The following CHEK2 variants were observed in gnomAD, a reference collection of about 807,000 sequenced individuals.
CHEK2 encodes serine/threonine-protein kinase Chk2.
A neutral mutation model predicts 69.1 loss-of-function variants in CHEK2; 71 were observed. That is an observed-to-expected ratio of 1.03 (90% CI 0.85 to 1.25). The LOEUF (loss-of-function observed/expected upper bound fraction) is 1.25. CHEK2 is among the 50% of genes most tolerant of loss of function. CHEK2 has a pLI of 0.00. For missense variants in CHEK2, 664 were observed against 649.6 expected (o/e 1.02, Z -0.24); for synonymous variants, 189 against 226.9 (o/e 0.83, Z 1.50).
At chr22:28,700,838 G>A (rs1247014827) in intron 8 of CHEK2, among the ~76,000 whole-genome samples, 5 of 152,050 alleles carry the variant, frequency 3.3e-5, no homozygotes, top group Non-Finnish European at 1.5e-5. Context: ...TGCCCAGGCT[G>A]GAATGCAATG....
chr22:28,688,817 T>C lies in CHEK2; in HGVS notation c.1542+318A>G, dbSNP rs372257944. 3.0e-4 allele frequency among the ~76,000 whole-genome samples: 46 copies of C among 152,364 alleles called. No homozygotes were observed. In the East Asian group the frequency reaches 6.2e-3, roughly 20 times the overall value. On this transcript the variant is annotated intron_variant, in intron 14 of 14. Coordinates refer to ENST00000404276, the MANE Select transcript of CHEK2 (RefSeq NM_007194.4). ...AAATTGTAATCAAGGAATCAACTAC[T>C]GACCCAAATTTTAATTTGTTCAACA...
intron 7 of CHEK2, among the ~76,000 whole-genome samples, chr22:28,705,229 C>G (rs1013560906): frequency 6.6e-6 from 1 of 152,002 alleles, no homozygotes; most frequent in Non-Finnish European, 1.5e-5. Context: ...TGAGTGCCTG[C>G]CACTGCACCC....
rs562415193 is a variant in CHEK2 at position 28,689,846 on chromosome 22, T to C, written c.1462-631A>G. Among the ~76,000 whole-genome samples, 300 of 152,104 alleles carry C rather than the reference T, an allele frequency of 2.0e-3. 2 individuals carry two copies. The highest frequency in any genetic ancestry group is 6.8e-3 in the Middle Eastern group (2 of 294). On this transcript the variant is annotated intron_variant, in intron 13 of 14. Transcript: ENST00000404276. ...CAGGAGATGAGGAGGGCACAGACAG[T>C]GTGTATGCGAGTAGCTCCCACCTCT...
intron 1 of CHEK2, chr22:28,737,444 T>C (rs2146180215): frequency 3.2e-6 from 1 of 312,278 alleles, no homozygotes; most frequent in South Asian, 3.0e-5. Flanking sequence ...TGCAAAACCA[T>C]GTAATTTAAG....
rs17880511 is a variant in CHEK2 at position 28,696,267 on chromosome 22, C to G, written c.1096-394G>C. Among the ~76,000 whole-genome samples, 667 of 152,328 alleles carry G rather than the reference C, an allele frequency of 4.4e-3. 3 individuals carry two copies. Among genetic ancestry groups the G allele is most frequent in the African/African-American group, 0.015 (638 of 41,572 alleles). ...AACACATGCTTATACCTGAGTGCCA[C>G]TCTCAGCTTCTGAGGTAAAGCCTGG... On this transcript the variant is annotated intron_variant, in intron 10 of 14. Transcript: ENST00000404276.
chr22:28,735,233 C>T (rs894814221), intron 1 of CHEK2, among the ~76,000 whole-genome samples: 8 of 151,860 alleles, frequency 5.3e-5, no homozygotes, highest in East Asian at 3.9e-4. Flanking sequence ...AGTGAAACTC[C>T]GTCTCTACTA....
At chr22:28,696,303 T>G (rs2145810873) in intron 10 of CHEK2, among the ~76,000 whole-genome samples, 1 of 152,198 alleles carries the variant, frequency 6.6e-6, no homozygotes. Context: ...GTGTCATAAA[T>G]CCTAACAAGA....
rs2145800586 is a variant in CHEK2, at chr22:28,695,700, T to C, written c.1259+10A>G. The C allele has an allele frequency of 1.9e-6, 3 of 1,612,170 alleles. No individual in the cohort carries two copies. The highest frequency in any genetic ancestry group is 1.7e-6 in the Non-Finnish European group (2 of 1,178,346). ...CTACCAGTCTGTGCAGCAATGAAAA[T>C]ATTTCTTACCAGATAAAAAGAATAA... On this transcript the variant is annotated intron_variant, in intron 11 of 14. Transcript: ENST00000404276.
intron 1 of CHEK2, chr22:28,738,148 A>T (rs1383656698): frequency 6.6e-6 from 1 of 152,382 alleles, no homozygotes; most frequent in African/African-American, 2.4e-5. Context: ...TTGAGGCTGC[A>T]GTGAGCCGTG....
At chr22:28,712,937 A>G (rs376119135) in intron 5 of CHEK2, among the ~76,000 whole-genome samples, 1 of 152,102 alleles carries the variant, frequency 6.6e-6, no homozygotes, top group Non-Finnish European at 1.5e-5. Flanking sequence ...TCAAATGGAA[A>G]CCCTGTACCT....
intron 2 of CHEK2, among the ~76,000 whole-genome samples, chr22:28,733,220 A>G (rs774921893): frequency 3.9e-5 from 6 of 152,228 alleles, no homozygotes; most frequent in Non-Finnish European, 8.8e-5. Context: ...AAAACAAGTA[A>G]CAAGTAGTCA....
intron 9 of CHEK2, 132 bp from the exon 10 acceptor site, chr22:28,697,119 A>G: frequency 1.5e-6 from 1 of 688,756 alleles, no homozygotes; most frequent in Non-Finnish European, 2.7e-6. Flanking sequence ...ATTCTCCAAA[A>G]TCATAGAAAA....
At chr22:28,705,741 C>T (rs2145898031) in intron 7 of CHEK2, among the ~76,000 whole-genome samples, 1 of 151,920 alleles carries the variant, frequency 6.6e-6, no homozygotes, top group East Asian at 2.0e-4. Context: ...GCCTGACTAA[C>T]ATGGTGAAAC....
In CHEK2 at chr22:28,695,186, T is replaced by C. The variant is rs1467664274; in HGVS notation, c.1316A>G (p.Gln439Arg). The C allele has an allele frequency of 6.2e-7, 1 of 1,613,464 alleles. No individual in the cohort carries two copies. Among genetic ancestry groups the C allele is most frequent in the East Asian group, 2.2e-5 (1 of 44,892 alleles). Residue 439 changes from glutamine (Q) to arginine (R), a missense_variant, in exon 12 of 15, where the codon CAG becomes CGG. Transcript: ENST00000404276. The stretch of plus-strand genomic sequence containing the variant: ...GAAGTTGTATTTTCCACTGGTGATC[T>C]GATCCTTCAGTGACACTTGAGTCCT... Reference protein sequence around the residue: ...EHRTQVSLKDQITSGKYNFIP... With the variant: ...EHRTQVSLKDRITSGKYNFIP...
intron 8 of CHEK2, among the ~76,000 whole-genome samples, chr22:28,701,291 A>G (rs1450752294): frequency 6.6e-6 from 1 of 151,528 alleles, no homozygotes; most frequent in African/African-American, 2.4e-5. Context: ...GCTCACTACA[A>G]CCTCCGCCTC....
chr22:28,735,086 G>A (rs1258315953), intron 1 of CHEK2, among the ~76,000 whole-genome samples: 1 of 152,050 alleles, frequency 6.6e-6, no homozygotes, highest in Non-Finnish European at 1.5e-5. Context: ...AAAATGTACT[G>A]ATACAATCAA....
At chr22:28,697,865 C>A (rs1193215906) in intron 9 of CHEK2, among the ~76,000 whole-genome samples, 2 of 152,010 alleles carry the variant, frequency 1.3e-5, no homozygotes, top group Non-Finnish European at 2.9e-5. Context: ...CATCAGCCAC[C>A]CTGCCTGGCC....
At chr22:28,708,363 A>ATGTGTGTGTGTGTGTGTGTG (rs10694007) in intron 7 of CHEK2, among the ~76,000 whole-genome samples, 77 of 139,760 alleles carry the variant, frequency 5.5e-4, no homozygotes, top group South Asian at 1.2e-3. Flanking sequence ...CTCTAAAAAT[A>ATGTGTGTGTGTGTGTGTGTG]TGTGTGTGTG....
rs560768109 is a variant in CHEK2 at position 28,733,608 on chromosome 22, A to G, written c.319+795T>C. ...AATAGGGTCTGAAGGCAGGGAATCT[A>G]TGGCCAATTCACGCAAACTTCCTGG... On this transcript the variant is annotated intron_variant, in intron 2 of 14. Transcript: ENST00000404276. Among the ~76,000 whole-genome samples the G allele has an allele frequency of 2.6e-5, 4 of 152,226 alleles. No individual in the cohort carries two copies. The South Asian group carries it at 8.3e-4, about 32-fold the overall frequency.
Sources: gnomAD v4.1 joint callset for allele counts (sites outside exome capture counted in the v4.1 genomes callset) on GRCh38, gnomAD v4.1.1 for gene constraint, MANE v1.5 for transcripts, NCBI Gene and HGNC (gene_info 2026-07-23, HGNC 2026-07-21) for gene names.